SPIRE2: variants seen among roughly 807,000 people sequenced by gnomAD.
SPIRE2 encodes the protein spire type actin nucleation factor 2.
A neutral mutation model predicts 80.7 loss-of-function variants in SPIRE2; 76 were observed. That is an observed-to-expected ratio of 0.94 (90% CI 0.78 to 1.14). SPIRE2 has a LOEUF of 1.14. Among genes scored for constraint, SPIRE2 ranks in the 50% most tolerant of loss-of-function variants. SPIRE2 has a pLI of 0.00. For missense variants in SPIRE2, 1,196 were observed against 1,015.3 expected, an observed-to-expected ratio of 1.18 and a Z score of -2.42; for synonymous variants, 535 against 432.6, an observed-to-expected ratio of 1.24 and a Z score of -2.94.
intron 1 of SPIRE2, among the ~76,000 whole-genome samples, chr16:89,844,502 A>C (rs1397312510): frequency 6.7e-6 from 1 of 150,338 alleles, no homozygotes; most frequent in Non-Finnish European, 1.5e-5. Flanking sequence ...GCAGTGGTGC[A>C]ATCTCGGCTC....
At chr16:89,849,532 C>T (rs1484847876) in intron 2 of SPIRE2, among the ~76,000 whole-genome samples, 2 of 152,210 alleles carry the variant, frequency 1.3e-5, no homozygotes, top group Non-Finnish European at 2.9e-5. Flanking sequence ...TGGAACACAG[C>T]ACTGTGCAGC....
chr16:89,841,198 A>G (rs1400877121), intron 1 of SPIRE2, among the ~76,000 whole-genome samples: 2 of 150,580 alleles, frequency 1.3e-5, no homozygotes, highest in African/African-American at 2.4e-5. Flanking sequence ...AAAAAAAAAA[A>G]GGAAAAAGAA....
At chr16:89,854,390 G>A (rs561285997) in intron 4 of SPIRE2, 24 bp downstream of exon 4, 57 of 1,611,678 alleles carry the variant, frequency 3.5e-5, no homozygotes, top group South Asian at 4.4e-5. Context: ...CCACCTGACC[G>A]GGCCACTGAC....
intron 9 of SPIRE2, 116 bp from the exon 10 acceptor site, chr16:89,860,567 T>G: frequency 2.8e-6 from 2 of 702,526 alleles, no homozygotes; most frequent in Non-Finnish European, 2.4e-6. Context: ...CTTCTCCCCT[T>G]GACCTTTTGC....
At chr16:89,866,587 G>A (rs1286909031) in intron 12 of SPIRE2, among the ~76,000 whole-genome samples, 2 of 150,540 alleles carry the variant, frequency 1.3e-5, no homozygotes, top group Non-Finnish European at 3.0e-5. Flanking sequence ...GAGCCACCAC[G>A]CCCAGCCTTG....
chr16:89,833,843 G>A (rs975760842), intron 1 of SPIRE2, among the ~76,000 whole-genome samples: 3 of 152,152 alleles, frequency 2.0e-5, no homozygotes, highest in African/African-American at 7.2e-5. Context: ...GAGCTCCTCC[G>A]GGGCGTGTTT....
intron 1 of SPIRE2, among the ~76,000 whole-genome samples, chr16:89,833,689 C>A (rs1410226224): frequency 6.6e-6 from 1 of 152,234 alleles, no homozygotes; most frequent in South Asian, 2.1e-4. Context: ...TCCGGAAGCA[C>A]TGGCCAGTGG....
Position 89,870,053 on chromosome 16 carries a change from T to C in SPIRE2, c.1926T>C (p.Ser642=). The C allele has an allele frequency of 6.2e-7, 1 of 1,612,036 alleles. No homozygotes were observed. Among genetic ancestry groups the C allele is most frequent in the African/African-American group, 1.3e-5 (1 of 74,984 alleles). ...APIQRRDIFQ[S]LQGPQWQSVE... is the part of the protein sequence containing the mutation. ...AGTGCCCTCTCCCACTTCCCAGGTC[T>C]CTGCAAGGGCCACAGTGGCAGAGCG... is the stretch of plus-strand genomic sequence containing the variant. Residue 642 remains serine, a synonymous_variant, in exon 15 of 15, where the codon TCT becomes TCC. Coordinates refer to ENST00000378247, the MANE Select transcript of SPIRE2 (RefSeq NM_032451.2).
chr16:89,869,488 G>T (rs1197947401), intron 13 of SPIRE2, 79 bp from the exon 14 acceptor site: 1 of 945,754 alleles, frequency 1.1e-6, no homozygotes, highest in East Asian at 2.5e-5. Flanking sequence ...CCAGACTGGG[G>T]AGGGAGGTCC....
chr16:89,864,754 C>G (rs957424511), intron 12 of SPIRE2, among the ~76,000 whole-genome samples: 2 of 152,100 alleles, frequency 1.3e-5, no homozygotes, highest in African/African-American at 4.8e-5. Flanking sequence ...AAAAGCAAGA[C>G]CTGAAAGGAT....
intron 2 of SPIRE2, among the ~76,000 whole-genome samples, chr16:89,848,330 C>G (rs975588091): frequency 6.6e-6 from 1 of 152,234 alleles, no homozygotes; most frequent in Non-Finnish European, 1.5e-5. Context: ...ATGTGTCTTG[C>G]CCGCCTACAG....
intron 1 of SPIRE2, among the ~76,000 whole-genome samples, chr16:89,844,296 G>A (rs2041536131): frequency 1.3e-5 from 2 of 152,076 alleles, no homozygotes; most frequent in South Asian, 2.1e-4. Flanking sequence ...AGTCTCCTGA[G>A]TAGCTGGGAT....
In SPIRE2 at chr16:89,870,334, T is replaced by G. The variant is rs771735091; in HGVS notation, c.*62T>G. The G allele has an allele frequency of 7.6e-6, 8 of 1,046,882 alleles. No individual in the cohort carries two copies. The highest frequency in any genetic ancestry group is 1.6e-5 in the African/African-American group (1 of 63,302). 64.8% of individuals were successfully genotyped at this position (1,046,882 alleles called of 1,614,324 possible). A position where few individuals can be genotyped will look rare whatever the true frequency, so the allele number is the denominator to read the frequency against. On this transcript the variant is annotated 3_prime_UTR_variant, in exon 15 of 15. Coordinates refer to ENST00000378247, the MANE Select transcript of SPIRE2 (RefSeq NM_032451.2). ...CAGGCCCTGTATCAGGCTAGGACGC[T>G]CTGAGCTGTGCATGTACATATATAC...
chr16:89,870,021 C>T (rs372089871), intron 14 of SPIRE2, 29 bp from the exon 15 acceptor site: 14 of 1,595,716 alleles, frequency 8.8e-6, no homozygotes, highest in Non-Finnish European at 1.2e-5. Context: ...GCTGGCTCCT[C>T]TCCCTGAGTG....
Position 89,863,205 on chromosome 16 carries a change from TG to T in SPIRE2, c.1576-268del. The T allele has an allele frequency of 4.0e-6, 2 of 505,960 alleles. No homozygotes were observed. The highest frequency in any genetic ancestry group is 7.2e-6 in the Non-Finnish European group (2 of 278,244). The allele number at this position is 505,960 out of a possible 1,614,324, so 31.3% of individuals were successfully genotyped here. A position where few individuals can be genotyped will look rare whatever the true frequency, so the allele number is the denominator to read the frequency against. ...CAGGCAGGGACACCTTGAACAGACA[TG>T]GGCTGAGGGGAGTTTGTGTGGAGCG... On this transcript the variant is annotated intron_variant, in intron 10 of 14. Transcript: ENST00000378247. This position sits in a 1 kb window ranked among gnomAD's most constrained non-coding sequence, Gnocchi z 4.3.
intron 7 of SPIRE2, among the ~76,000 whole-genome samples, chr16:89,858,029 CGT>C (rs2041707849): frequency 6.6e-6 from 1 of 151,894 alleles, no homozygotes; most frequent in Non-Finnish European, 1.5e-5. Context: ...ACTACAGGCG[CGT>C]GCCACCACGC....
chr16:89,856,096 T>C lies in SPIRE2; in HGVS notation c.979-17T>C, dbSNP rs935272444. ...AGGTCCTGCTTCCCCACCGCAGGTC[T>C]CGCTTCCCCACCGCAGGTCTCTGAG... On this transcript the variant is annotated splice_polypyrimidine_tract_variant and intron_variant, in intron 6 of 14. Coordinates refer to ENST00000378247, the MANE Select transcript of SPIRE2 (RefSeq NM_032451.2). 4 of 1,601,288 alleles carry C rather than the reference T, an allele frequency of 2.5e-6. No homozygotes were observed. The highest frequency in any genetic ancestry group is 1.9e-4 in the Middle Eastern group (1 of 5,168).
intron 10 of SPIRE2, 147 bp downstream of exon 10, chr16:89,860,942 A>T (rs2041738649): frequency 1.9e-6 from 1 of 536,906 alleles, no homozygotes; most frequent in Non-Finnish European, 3.1e-6. Flanking sequence ...CGCGGTCTGA[A>T]CATGGGGCAC....
rs764907088 is a variant in SPIRE2 at position 89,859,334 on chromosome 16, G to A, written c.1442G>A (p.Arg481Lys). 1 of 1,576,998 alleles carries A rather than the reference G, an allele frequency of 6.3e-7. No individual in the cohort carries two copies. Among genetic ancestry groups the A allele is most frequent in the East Asian group, 2.3e-5 (1 of 43,212 alleles). ...CGAGCTGGCAGTGCGCATGTGTGGA[G>A]GCCCGGCTCCCGAGACCAGGGCAAG... ...RPRAGSAHVW[R>K]PGSRDQGTCP... The change falls in exon 9 of 15, where the codon AGG becomes AAG. Residue 481 changes from arginine to lysine, a missense_variant. Coordinates refer to ENST00000378247, the MANE Select transcript of SPIRE2 (RefSeq NM_032451.2).
Sources: gnomAD v4.1 joint callset for allele counts (sites outside exome capture counted in the v4.1 genomes callset) on GRCh38, gnomAD v4.1.1 for gene constraint, Gnocchi (gnomAD v3.1) non-coding constraint, MANE v1.5 for transcripts, NCBI Gene and HGNC (gene_info 2026-07-23, HGNC 2026-07-21) for gene names.